ADGRF1: variants seen among roughly 807,000 people sequenced by gnomAD.
ADGRF1 encodes adhesion G protein-coupled receptor F1.
Under a neutral mutation model 87.2 loss-of-function variants are expected in ADGRF1, and 85 were observed. The observed-to-expected ratio is 0.97, with a 90% CI of 0.82 to 1.17. The LOEUF (loss-of-function observed/expected upper bound fraction) is 1.17, where lower values mean the gene tolerates loss of function less well. Ranked by LOEUF, ADGRF1 falls within the 50% of genes most tolerant of loss-of-function variation. ADGRF1 has a pLI of 0.00. For missense variants in ADGRF1, 1,169 were observed against 1,077.2 expected (o/e 1.09, Z -1.19); for synonymous variants, 430 against 408.8 (o/e 1.05, Z -0.63).
rs773668060 is a variant in ADGRF1 at position 47,009,567 on chromosome 6, CG to C, written c.1867del (p.Arg623ValfsTer6). The C allele has an allele frequency of 4.3e-6, 7 of 1,614,060 alleles. No individual in the cohort carries two copies. In the Admixed American group the frequency reaches 6.7e-5, roughly 15 times the overall value. On this transcript the variant is annotated frameshift_variant, in exon 11 of 15. Transcript: ENST00000371253. LOFTEE classifies it high-confidence loss of function. ...QIKKSQTSHTRRICMVNIALS... is the reference protein window; with the variant it reads ...QIKKSQTSHTXRICMVNIALS... ...GGCTATGTTCACCATGCAAATACGA[CG>C]TGTGTGAGAGGTTTGGCTTTTTTTA...
intron 1 of ADGRF1, among the ~76,000 whole-genome samples, chr6:47,034,037 CAT>C (rs1780513513): frequency 1.3e-5 from 2 of 152,228 alleles, no homozygotes; most frequent in African/African-American, 4.8e-5. Context: ...TATATTTTCA[CAT>C]GTTTTAGCAC....
chr6:47,029,249 A>T, intron 1 of ADGRF1, 145 bp from the exon 2 acceptor site: 2 of 589,056 alleles, frequency 3.4e-6, no homozygotes, highest in Non-Finnish European at 6.1e-6. Flanking sequence ...AACCTGTGAC[A>T]TCATGACTTC....
Position 47,009,669 on chromosome 6 carries a change from G to T in ADGRF1, c.1766C>A (p.Thr589Asn). Residue 589 changes from threonine (T) to asparagine (N), a missense_variant, in exon 11 of 15, where the codon ACC becomes AAC. Physicochemically the swap from Thr to Asn is moderately conservative, Grantham distance 65. Coordinates refer to ENST00000371253, the MANE Select transcript of ADGRF1 (RefSeq NM_153840.4). ...STIFPVVKWI[T>N]YVGLGISIGS... is the part of the protein sequence containing the mutation. The stretch of plus-strand genomic sequence containing the variant: ...AATGGAGATACCCAGTCCCACATAG[G>T]TGATCCATTTTACAACGGGGAAGAT... The T allele has an allele frequency of 6.2e-7, 1 of 1,614,206 alleles. No homozygotes were observed. Among genetic ancestry groups the T allele is most frequent in the Non-Finnish European group, 8.5e-7 (1 of 1,180,038 alleles).
chr6:47,014,503 A>T (rs1006421880), intron 9 of ADGRF1, 178 bp downstream of exon 9: 1 of 1,374,536 alleles, frequency 7.3e-7, no homozygotes, highest in Non-Finnish European at 9.4e-7. Context: ...TGCTGCCCAG[A>T]CGCTACCACT....
At chr6:47,005,688 C>A in intron 13 of ADGRF1, 129 bp downstream of exon 13, 1 of 597,796 alleles carries the variant, frequency 1.7e-6, no homozygotes, top group Non-Finnish European at 3.0e-6. Context: ...ATGTCAGATA[C>A]CAGGAATATA....
At chr6:47,016,967 AAT>A in intron 7 of ADGRF1, 199 bp from the exon 8 acceptor site, 2 of 442,162 alleles carry the variant, frequency 4.5e-6, no homozygotes, top group Non-Finnish European at 6.4e-6. Context: ...TATATGTATA[AAT>A]ACATCTGTAT....
rs757130316 is a variant in ADGRF1, at chr6:47,009,704, G to A, written c.1731C>T (p.Val577=). Residue 577 remains valine, a synonymous_variant, in exon 11 of 15, where the codon GTC becomes GTT. Transcript: ENST00000371253. The part of the protein sequence containing the change: ...TSFSILMSPF[V]PSTIFPVVKW... The stretch of plus-strand genomic sequence containing the variant: ...TTACAACGGGGAAGATTGTAGAGGG[G>A]ACAAAAGGTGACATCAATATGGAGA... The A allele has an allele frequency of 3.7e-5, 60 of 1,614,038 alleles. No homozygotes were observed. Among genetic ancestry groups the A allele is most frequent in the Middle Eastern group, 3.3e-4 (2 of 6,084 alleles).
chr6:47,006,641 C>T (rs1036792718), intron 12 of ADGRF1, among the ~76,000 whole-genome samples: 18 of 152,240 alleles, frequency 1.2e-4, no homozygotes, highest in Non-Finnish European at 2.4e-4. Flanking sequence ...GCAGTATATA[C>T]TGCACCCAAT....
chr6:47,014,376 C>T, intron 9 of ADGRF1: 1 of 1,060,590 alleles, frequency 9.4e-7, no homozygotes, highest in Non-Finnish European at 1.1e-6. Flanking sequence ...CTTCTGAGGC[C>T]AGCTTAGTTG....
rs139805094 is a variant in ADGRF1 at position 47,017,947 on chromosome 6, A to T, written c.612-1179T>A. The T allele has an allele frequency of 2.1e-3, 333 of 158,594 alleles. 1 individual carries two copies. Among genetic ancestry groups the T allele is most frequent in the Non-Finnish European group, 3.7e-3 (266 of 71,854 alleles). 9.8% of individuals were successfully genotyped at this position (158,594 alleles called of 1,614,324 possible). On this transcript the variant is annotated intron_variant, in intron 7 of 14. Transcript: ENST00000371253. ...TTGAGCACATAACTGTGTGCAAGTTATACCTCAATAAAAGAAATTATAGCA... is the reference window on the plus strand; with the variant it reads ...TTGAGCACATAACTGTGTGCAAGTTTTACCTCAATAAAAGAAATTATAGCA...
At chr6:47,005,666 G>T in intron 13 of ADGRF1, 151 bp downstream of exon 13, 1 of 562,574 alleles carries the variant, frequency 1.8e-6, no homozygotes, top group Non-Finnish European at 3.2e-6. Flanking sequence ...TACCACTCAT[G>T]TGCCAGGCTC....
Position 47,016,823 on chromosome 6 carries a change from C to T in ADGRF1, c.612-55G>A, listed in dbSNP as rs189177280. 666 of 1,524,522 alleles carry T rather than the reference C, an allele frequency of 4.4e-4. 1 individual carries two copies. Among genetic ancestry groups the T allele is most frequent in the Middle Eastern group, 3.3e-3 (19 of 5,674 alleles). 94.4% of individuals were successfully genotyped at this position (1,524,522 alleles called of 1,614,324 possible). ...GATTCACTACTTATTTATTCATTCA[C>T]TCCCGGCCTATGCTGTGTGTACATG... On this transcript the variant is annotated intron_variant, in intron 7 of 14. Coordinates refer to ENST00000371253, the MANE Select transcript of ADGRF1 (RefSeq NM_153840.4).
At chr6:47,040,918 A>T (rs1393926049) in intron 1 of ADGRF1, among the ~76,000 whole-genome samples, 1 of 152,192 alleles carries the variant, frequency 6.6e-6, no homozygotes, top group Non-Finnish European at 1.5e-5. Flanking sequence ...TTATTGGGAC[A>T]CTGTCCCTGT....
chr6:47,031,257 G>GTC (rs1182944456), intron 1 of ADGRF1, among the ~76,000 whole-genome samples: 4 of 150,538 alleles, frequency 2.7e-5, no homozygotes, highest in South Asian at 2.1e-4. Context: ...CTCACTCTGT[G>GTC]TCTCTCTCTC....
Position 47,010,264 on chromosome 6 carries a change from T to C in ADGRF1, c.1171A>G (p.Thr391Ala). The C allele has an allele frequency of 2.5e-6, 4 of 1,613,722 alleles. No individual in the cohort carries two copies. Among genetic ancestry groups the C allele is most frequent in the Non-Finnish European group, 3.4e-6 (4 of 1,179,862 alleles). Residue 391 changes from threonine (T) to alanine (A), a missense_variant, in exon 11 of 15, where the codon ACA becomes GCA. By Grantham distance (58) the Thr-to-Ala change is moderately conservative (BLOSUM62 0). Transcript: ENST00000371253. ...TACTTTTCTTCCCGCAGTAAGACTG[T>C]CCAGTTGGTTACTGAGGCTGAATTA... Reference protein sequence around the residue: ...ILNSASVTNWTVLLREEKYAS... With the variant: ...ILNSASVTNWAVLLREEKYAS...
intron 7 of ADGRF1, 75 bp from the exon 8 acceptor site, chr6:47,016,843 T>C: frequency 1.4e-6 from 2 of 1,460,608 alleles, no homozygotes; most frequent in South Asian, 1.6e-5. Context: ...ATGCTGTGTG[T>C]ACATGCCATG....
Position 47,029,083 on chromosome 6 carries a change from C to G in ADGRF1, c.-22G>C. 6.2e-7 allele frequency: 1 copy of G among 1,602,588 alleles called. No individual in the cohort carries two copies. Among genetic ancestry groups the G allele is most frequent in the Non-Finnish European group, 8.6e-7 (1 of 1,169,512 alleles). On this transcript the variant is annotated 5_prime_UTR_variant, in exon 2 of 15. Transcript: ENST00000371253. ...TCATTTTCCCTGGACTGAACAGCAG[C>G]AGTCGGGTGCATAGTCTGTGACTAA... is the stretch of plus-strand genomic sequence containing the variant.
At chr6:47,028,560 T>C (rs1399937690) in intron 2 of ADGRF1, among the ~76,000 whole-genome samples, 1 of 152,088 alleles carries the variant, frequency 6.6e-6, no homozygotes, top group Non-Finnish European at 1.5e-5. Flanking sequence ...AGGTCTGAGA[T>C]GGAGCTATAC....
At position 47,033,369 on chromosome 6, in the gene ADGRF1, G is replaced by A. The variant is rs186734968; in HGVS notation, c.-43-4265C>T. ...CCTATTCTTTCAGTTATATACTTAC[G>A]GACTCCAAATATCATTTATTTATGC... On this transcript the variant is annotated intron_variant, in intron 1 of 14. Transcript: ENST00000371253. 8.4e-4 allele frequency among the ~76,000 whole-genome samples: 128 copies of A among 152,260 alleles called. 1 individual carries two copies. Among genetic ancestry groups the A allele is most frequent in the Non-Finnish European group, 1.8e-4 (12 of 68,012 alleles).
Sources: gnomAD v4.1 joint callset for allele counts (sites outside exome capture counted in the v4.1 genomes callset) on GRCh38, gnomAD v4.1.1 for gene constraint, MANE v1.5 for transcripts, NCBI Gene and HGNC (gene_info 2026-07-23, HGNC 2026-07-21) for gene names.